The following PBRM1 variants were observed in gnomAD, a reference collection of about 807,000 sequenced individuals.
PBRM1 encodes the protein protein polybromo-1.
Under a neutral mutation model 194.5 loss-of-function variants are expected in PBRM1, and 27 were observed. The ratio of observed to expected loss-of-function variants is 0.14; its 90% CI spans 0.10 to 0.19. The LOEUF (loss-of-function observed/expected upper bound fraction) is 0.19. Ranked by LOEUF, PBRM1 falls within the 10% of genes least tolerant of loss-of-function variation. The probability of loss-of-function intolerance (pLI) is 1.00; values close to 1 mark genes in which losing one functional copy is unlikely to be tolerated. For missense variants in PBRM1, 1,466 were observed against 2,077.2 expected (o/e 0.71, Z 5.72); for synonymous variants, 655 against 693.2 (o/e 0.94, Z 0.87).
intron 17 of PBRM1, among the ~76,000 whole-genome samples, chr3:52,595,571 AACTAATCCAT>A (rs1426932070): frequency 2.0e-5 from 3 of 152,200 alleles, no homozygotes; most frequent in African/African-American, 7.2e-5. Context: ...ACATTCTGGT[AACTAATCCAT>A]TGTGAGATGG....
At chr3:52,685,596 GC>G (rs2097300597) in intron 1 of PBRM1, 152 bp downstream of exon 1, 1 of 150,086 alleles carries the variant, frequency 6.7e-6, no homozygotes, top group African/African-American at 2.4e-5. Flanking sequence ...GCCAGCCGCC[GC>G]GCCCCGCCCA....
chr3:52,679,825 G>A (rs571805768), upstream of PBRM1: 55 of 838,908 alleles, frequency 6.6e-5, no homozygotes, highest in African/African-American at 5.2e-5. Context: ...CACTTAGGAG[G>A]ATATTTTAAC....
chr3:52,626,613 G>C (rs1309077491), intron 13 of PBRM1, among the ~76,000 whole-genome samples: 2 of 152,116 alleles, frequency 1.3e-5, no homozygotes, highest in African/African-American at 4.8e-5. Context: ...TTTGTGTGGC[G>C]AGAGATAATA....
At chr3:52,677,950 C>CTG (rs1293587586) in intron 2 of PBRM1, among the ~76,000 whole-genome samples, 1 of 152,092 alleles carries the variant, frequency 6.6e-6, no homozygotes, top group Non-Finnish European at 1.5e-5. Context: ...CTTACTGCAG[C>CTG]CTCAAATTCC....
At chr3:52,579,315 T>G in intron 20 of PBRM1, 116 bp from the exon 23 acceptor site, 1 of 947,024 alleles carries the variant, frequency 1.1e-6, no homozygotes, top group Non-Finnish European at 1.6e-6. Context: ...CCACCATTGG[T>G]TACGTGGCTC....
At chr3:52,550,981 A>G (rs1036308265) in intron 27 of PBRM1, among the ~76,000 whole-genome samples, 164 bp from the exon 30 acceptor site, 3 of 152,228 alleles carry the variant, frequency 2.0e-5, no homozygotes, top group Admixed American at 6.5e-5. Flanking sequence ...ATTTGAATAG[A>G]AAGTTGTTTT....
Position 52,634,911 on chromosome 3 carries a change from A to G in PBRM1, c.1088-96T>C, listed in dbSNP as rs2095750825. On this transcript the variant is annotated intron_variant, in intron 10 of 29. Coordinates refer to ENST00000296302, the Ensembl canonical transcript of PBRM1. ...TTAACAACCTTCCAGATTGAACTAA[A>G]TATATTTGAAAACTATTATTACTAT... The G allele has an allele frequency of 3.6e-6, 3 of 841,384 alleles. No homozygotes were observed. In the South Asian group the frequency reaches 5.0e-5, roughly 14 times the overall value. The allele number at this position is 841,384 out of a possible 1,614,324, so 52.1% of individuals were successfully genotyped here.
chr3:52,623,783 G>A (rs1054481985), intron 13 of PBRM1, among the ~76,000 whole-genome samples: 2 of 152,162 alleles, frequency 1.3e-5, no homozygotes, highest in African/African-American at 4.8e-5. Context: ...AAGAACAGCT[G>A]GGATTGGAAT....
intron 7 of PBRM1, among the ~76,000 whole-genome samples, chr3:52,647,423 C>A (rs1577485045): frequency 4.4e-5 from 2 of 45,376 alleles, no homozygotes; most frequent in Non-Finnish European, 7.9e-5. Flanking sequence ...AGGTATGTAT[C>A]AAAGAGAAAA....
At chr3:52,627,329 G>T in exon 13 of PBRM1, 1 of 1,613,434 alleles carries the variant, frequency 6.2e-7, no homozygotes, top group Non-Finnish European at 8.5e-7. Flanking sequence ...TGCTGTCTCC[G>T]TCCTCGATAT....
At chr3:52,615,183 A>G (rs2094891908) in intron 15 of PBRM1, among the ~76,000 whole-genome samples, 168 bp downstream of exon 17, 1 of 152,262 alleles carries the variant, frequency 6.6e-6, no homozygotes, top group Non-Finnish European at 1.5e-5. Context: ...GTCACAGTTT[A>G]GCTACTTAAA....
chr3:52,569,400 T>TG (rs916845012), intron 22 of PBRM1, among the ~76,000 whole-genome samples: 8 of 152,044 alleles, frequency 5.3e-5, no homozygotes, highest in African/African-American at 1.9e-4. Context: ...TTAGTAAAGA[T>TG]GGGGTTTCAC....
At chr3:52,634,046 T>C (rs562940139) in intron 11 of PBRM1, among the ~76,000 whole-genome samples, 2 of 152,334 alleles carry the variant, frequency 1.3e-5, no homozygotes, top group African/African-American at 2.4e-5. Context: ...GGGTTTCAAC[T>C]ATAGATACAT....
exon 4 of PBRM1, chr3:52,662,158 T>C: frequency 6.2e-7 from 1 of 1,614,156 alleles, no homozygotes; most frequent in Non-Finnish European, 8.5e-7. Flanking sequence ...GCCCTGATTG[T>C]CTTGCCCATC....
chr3:52,653,259 T>A (rs1336781754), intron 5 of PBRM1, among the ~76,000 whole-genome samples: 3 of 152,158 alleles, frequency 2.0e-5, no homozygotes, highest in Non-Finnish European at 4.4e-5. Context: ...GTAAGTTTTT[T>A]CAAAACAAAA....
chr3:52,583,323 T>A (rs969529686), intron 20 of PBRM1, among the ~76,000 whole-genome samples: 1 of 149,580 alleles, frequency 6.7e-6, no homozygotes, highest in Non-Finnish European at 1.5e-5. Context: ...GGCAGCAGAA[T>A]CACTTGAACC....
At chr3:52,552,834 T>G (rs2081307266) in intron 27 of PBRM1, among the ~76,000 whole-genome samples, 1 of 152,242 alleles carries the variant, frequency 6.6e-6, no homozygotes, top group Non-Finnish European at 1.5e-5. Flanking sequence ...ACCTGCCACA[T>G]GGGAACATTT....
chr3:52,646,530 G>A, intron 7 of PBRM1, among the ~76,000 whole-genome samples: 1 of 152,152 alleles, frequency 6.6e-6, no homozygotes, highest in East Asian at 1.9e-4. Flanking sequence ...AACTAACCAA[G>A]TCTGGCATAA....
At chr3:52,636,388 T>C (rs963608654) in intron 10 of PBRM1, among the ~76,000 whole-genome samples, 8 of 152,112 alleles carry the variant, frequency 5.3e-5, no homozygotes, top group African/African-American at 1.7e-4. Context: ...GTAAGGACCA[T>C]AATTTAAATT....
Sources: allele counts gnomAD v4.1 joint callset (sites outside exome capture counted in the v4.1 genomes callset), GRCh38; gene constraint gnomAD v4.1.1; transcripts MANE v1.5; gene names NCBI Gene and HGNC (gene_info 2026-07-23, HGNC 2026-07-21).